Variants in NTM observed in about 807,000 individuals in gnomAD.
NTM encodes IgLON family member 2.
NTM carries 13 observed loss-of-function variants against 42.1 expected under a neutral mutation model. That is an observed-to-expected ratio of 0.31 (90% CI 0.20 to 0.49). NTM has a LOEUF of 0.49. Among genes scored for constraint, NTM ranks in the 20% least tolerant of loss-of-function variants. The probability of loss-of-function intolerance (pLI) is 0.99; values close to 1 mark genes in which losing one functional copy is unlikely to be tolerated. For missense variants in NTM, 373 were observed against 452.8 expected, an observed-to-expected ratio of 0.82 and a Z score of 1.60; for synonymous variants, 187 against 179.2, an observed-to-expected ratio of 1.04 and a Z score of -0.35.
intron 1 of NTM, among the ~76,000 whole-genome samples, chr11:131,818,723 T>G (rs2093052839): frequency 6.6e-6 from 1 of 152,168 alleles, no homozygotes; most frequent in Admixed American, 6.5e-5. Context: ...ATAATGAATG[T>G]GAAAGGCGGT....
At chr11:132,133,310 C>G (rs1318711744) in intron 2 of NTM, among the ~76,000 whole-genome samples, 1 of 152,210 alleles carries the variant, frequency 6.6e-6, no homozygotes, top group African/African-American at 2.4e-5. Flanking sequence ...AGAAACAGCA[C>G]ACTTCTGCAT....
chr11:132,261,615 T>C (rs899432255), intron 4 of NTM, among the ~76,000 whole-genome samples: 1 of 152,192 alleles, frequency 6.6e-6, no homozygotes, highest in African/African-American at 2.4e-5. Flanking sequence ...CTGACATGCC[T>C]TTTAAGATTG....
At chr11:132,237,507 A>G (rs2139144277) in intron 4 of NTM, among the ~76,000 whole-genome samples, 1 of 152,294 alleles carries the variant, frequency 6.6e-6, no homozygotes, top group South Asian at 2.1e-4. Context: ...AATGGCGGAA[A>G]GTGAAAGAAG....
intron 2 of NTM, among the ~76,000 whole-genome samples, chr11:132,016,548 C>T (rs540219398): frequency 1.3e-3 from 198 of 151,934 alleles, no homozygotes; most frequent in African/African-American, 4.4e-3. Context: ...TCACTAGTTG[C>T]TAGACATTTA....
intron 1 of NTM, among the ~76,000 whole-genome samples, chr11:131,669,358 C>T (rs895012788): frequency 2.6e-5 from 4 of 152,198 alleles, no homozygotes; most frequent in Admixed American, 1.3e-4. Context: ...AGCCTGGTTT[C>T]CTGCTCTGAG....
intron 1 of NTM, among the ~76,000 whole-genome samples, chr11:131,391,204 G>T (rs1358094419): frequency 6.6e-6 from 1 of 152,148 alleles, no homozygotes; most frequent in Non-Finnish European, 1.5e-5. Context: ...AGTTCAGAAA[G>T]GCCAACTTGC....
chr11:132,230,325 T>C (rs764923357), intron 4 of NTM, among the ~76,000 whole-genome samples: 11 of 152,244 alleles, frequency 7.2e-5, no homozygotes, highest in Non-Finnish European at 1.6e-4. Context: ...AGAGCAGCAC[T>C]GTGAAGTAGG....
intron 2 of NTM, among the ~76,000 whole-genome samples, chr11:132,059,186 C>G (rs1790166): frequency 0.73 from 111,358 of 152,064 alleles, 41,974 homozygotes; most frequent in African/African-American, 0.85. Context: ...GTTGTCCCCT[C>G]ACCCTAGTCT....
intron 1 of NTM, among the ~76,000 whole-genome samples, chr11:131,838,113 C>T (rs1018319074): frequency 1.3e-5 from 2 of 152,006 alleles, no homozygotes; most frequent in African/African-American, 4.8e-5. Context: ...ATTTTTTTCA[C>T]AGTTATTTAT....
chr11:131,824,661 T>C (rs974008080), intron 1 of NTM, among the ~76,000 whole-genome samples: 3 of 152,194 alleles, frequency 2.0e-5, no homozygotes, highest in Non-Finnish European at 4.4e-5. Context: ...ATTACACTGG[T>C]CAAAGAATGA....
At chr11:132,268,931 C>T (rs2093351258) in intron 4 of NTM, among the ~76,000 whole-genome samples, 1 of 151,928 alleles carries the variant, frequency 6.6e-6, no homozygotes, top group Non-Finnish European at 1.5e-5. Flanking sequence ...ATGACCCAGA[C>T]ATGGTCAGTC....
At chr11:131,660,567 G>C (rs1473040312) in intron 1 of NTM, 1 of 457,716 alleles carries the variant, frequency 2.2e-6, no homozygotes, top group Admixed American at 2.3e-5. Context: ...GTGAAAAGCG[G>C]CTCCTCATGC....
intron 1 of NTM, among the ~76,000 whole-genome samples, chr11:131,678,858 G>A (rs1440538611): frequency 1.3e-5 from 2 of 152,206 alleles, no homozygotes; most frequent in African/African-American, 4.8e-5. Context: ...GACGGGGCCT[G>A]CACATCGGTG....
intron 1 of NTM, among the ~76,000 whole-genome samples, chr11:131,809,575 C>G (rs1335360255): frequency 6.6e-6 from 1 of 152,236 alleles, no homozygotes; most frequent in African/African-American, 2.4e-5. Context: ...ACACAGGTTT[C>G]TGGATTCCCT....
chr11:131,773,129 G>A (rs2086392465), intron 1 of NTM, among the ~76,000 whole-genome samples: 1 of 152,166 alleles, frequency 6.6e-6, no homozygotes, highest in African/African-American at 2.4e-5. Context: ...GGAAGTCCAA[G>A]GTCAAGGTGC....
At position 132,282,758 on chromosome 11, in the gene NTM, A is replaced by T. The variant is rs116734984; in HGVS notation, c.527-24931A>T. ...GATAAATTGAATATTTAGCCTGTTT[A>T]AGAGAGAAACATAATCTACACAAAA... is the stretch of plus-strand genomic sequence containing the variant. On this transcript the variant is annotated intron_variant, in intron 4 of 8. Transcript: ENST00000683400. Among the ~76,000 whole-genome samples the T allele has an allele frequency of 5.6e-3, 849 of 152,204 alleles. 9 individuals are homozygous for T. Among genetic ancestry groups the T allele is most frequent in the African/African-American group, 0.02 (811 of 41,496 alleles).
intron 2 of NTM, among the ~76,000 whole-genome samples, chr11:132,053,118 C>A (rs1212597218): frequency 1.3e-5 from 2 of 152,158 alleles, no homozygotes; most frequent in African/African-American, 2.4e-5. Context: ...CATCTCAGCC[C>A]TGGGCATGCA....
At chr11:131,481,427 C>T (rs1178575030) in intron 1 of NTM, among the ~76,000 whole-genome samples, 2 of 152,134 alleles carry the variant, frequency 1.3e-5, no homozygotes, top group African/African-American at 2.4e-5. Flanking sequence ...TTTGGGAAGA[C>T]GCAAGGCCTG....
intron 1 of NTM, among the ~76,000 whole-genome samples, chr11:131,891,529 C>T (rs1206633273): frequency 6.6e-6 from 1 of 152,136 alleles, no homozygotes; most frequent in Non-Finnish European, 1.5e-5. Context: ...GCCAAGAGAT[C>T]AAGGAGTTTA....
Sources: allele counts gnomAD v4.1 joint callset (sites outside exome capture counted in the v4.1 genomes callset), GRCh38; gene constraint gnomAD v4.1.1; transcripts MANE v1.5; gene names NCBI Gene and HGNC (gene_info 2026-07-23, HGNC 2026-07-21).